SAMD5: variants seen among roughly 807,000 people sequenced by gnomAD.
SAMD5 encodes sterile alpha motif domain-containing protein 5.
In SAMD5, 13 loss-of-function variants were observed where a neutral mutation model predicts 11.3. The observed-to-expected ratio is 1.15, with a 90% CI of 0.75 to 1.83. The LOEUF is 1.83. SAMD5 is among the 40% of genes most tolerant of loss of function. SAMD5 has a pLI of 0.00. For synonymous variants in SAMD5, 129 were observed against 111.3 expected (o/e 1.16, Z -1.00); for missense variants, 255 against 239.1 (o/e 1.07, Z -0.44).
intron 1 of SAMD5, among the ~76,000 whole-genome samples, chr6:147,578,266 T>C (rs1019518470): frequency 4.6e-5 from 7 of 152,212 alleles, no homozygotes; most frequent in Non-Finnish European, 8.8e-5. Context: ...TATTTAGTTG[T>C]GTTGTTAGTA....
At chr6:147,774,451 G>A in the SAMD5 span, among the ~76,000 whole-genome samples, 2 of 152,008 alleles carry the variant, frequency 1.3e-5, no homozygotes, top group African/African-American at 2.4e-5. Flanking sequence ...TATATAAAAT[G>A]GCATGGTATT....
chr6:147,556,097 A>AT (rs547495261), intron 1 of SAMD5, among the ~76,000 whole-genome samples: 2,152 of 146,548 alleles, frequency 0.015, 32 homozygotes, highest in African/African-American at 0.037. Context: ...TGTTATTATT[A>AT]TTTTTTTTTT....
At chr6:147,905,362 A>C in the SAMD5 span, among the ~76,000 whole-genome samples, 1 of 151,652 alleles carries the variant, frequency 6.6e-6, no homozygotes. Context: ...TTGTATTTAT[A>C]GTAGAAACAG....
Position 147,670,847 on chromosome 6 carries a change from C to T in SAMD5, c.163-66470C>T, listed in dbSNP as rs1485667901. ...GGTTTTCTGTCATTCATGTGTTCAC[C>T]GTAGTAGCACTTTACATTTCCTTTA... is the stretch of plus-strand genomic sequence containing the variant. On this transcript the variant is annotated intron_variant, in intron 1 of 1. Transcript: ENST00000566741. Among the ~76,000 whole-genome samples the T allele has an allele frequency of 7.2e-5, 11 of 152,346 alleles. 1 individual carries two copies. Among genetic ancestry groups the T allele is most frequent in the East Asian group, 5.8e-4 (3 of 5,184 alleles).
chr6:147,671,253 C>T (rs1309168872), intron 1 of SAMD5, among the ~76,000 whole-genome samples: 1 of 152,098 alleles, frequency 6.6e-6, no homozygotes, highest in East Asian at 1.9e-4. Flanking sequence ...ATCACCATAG[C>T]AGGTATAATG....
chr6:147,781,907 G>A, the SAMD5 span, among the ~76,000 whole-genome samples: 4 of 151,448 alleles, frequency 2.6e-5, no homozygotes, highest in South Asian at 8.3e-4. Flanking sequence ...AGCCTCCCAG[G>A]ATATCAAAAA....
At chr6:147,846,544 T>C in the SAMD5 span, among the ~76,000 whole-genome samples, 1 of 152,102 alleles carries the variant, frequency 6.6e-6, no homozygotes. Context: ...AGTAAAGAGC[T>C]TTTTAGGCCA....
At chr6:147,880,506 C>T in the SAMD5 span, among the ~76,000 whole-genome samples, 4 of 152,132 alleles carry the variant, frequency 2.6e-5, no homozygotes, top group Admixed American at 1.3e-4. Context: ...CTGCGCCTTC[C>T]CTGAGCATTT....
At chr6:147,550,888 T>G (rs1387733727) in intron 1 of SAMD5, among the ~76,000 whole-genome samples, 1 of 119,168 alleles carries the variant, frequency 8.4e-6, no homozygotes, top group Non-Finnish European at 1.8e-5. Flanking sequence ...ACTGCACTTA[T>G]ACCTCTTATA....
chr6:147,824,559 C>T, the SAMD5 span, among the ~76,000 whole-genome samples: 5 of 151,932 alleles, frequency 3.3e-5, no homozygotes, highest in Non-Finnish European at 7.4e-5. Flanking sequence ...TGTTTGATTG[C>T]GGATCATTAA....
chr6:147,931,002 C>T, the SAMD5 span, among the ~76,000 whole-genome samples: 1 of 152,182 alleles, frequency 6.6e-6, no homozygotes, highest in Non-Finnish European at 1.5e-5. Context: ...GCCCTCTAGG[C>T]ATCCTCAATC....
chr6:147,629,559 A>G (rs999794693), intron 1 of SAMD5, among the ~76,000 whole-genome samples: 1 of 152,220 alleles, frequency 6.6e-6, no homozygotes, highest in African/African-American at 2.4e-5. Flanking sequence ...TTTTAAAGGG[A>G]AAACTAGTGG....
At chr6:147,699,362 A>T (rs1471449776) in intron 1 of SAMD5, among the ~76,000 whole-genome samples, 1 of 151,910 alleles carries the variant, frequency 6.6e-6, no homozygotes, top group East Asian at 1.9e-4. Flanking sequence ...CTTTCTATCT[A>T]AAAAGAACCC....
chr6:147,906,924 T>C, the SAMD5 span, among the ~76,000 whole-genome samples: 1 of 152,108 alleles, frequency 6.6e-6, no homozygotes, highest in African/African-American at 2.4e-5. Context: ...GGCTTTGTCC[T>C]GACAAATAGT....
At chr6:147,934,984 C>T in the SAMD5 span, among the ~76,000 whole-genome samples, 1 of 152,144 alleles carries the variant, frequency 6.6e-6, no homozygotes, top group Non-Finnish European at 1.5e-5. Flanking sequence ...TTTCAGACAA[C>T]TTGTGTCAGG....
chr6:147,731,500 A>G lies in SAMD5; in HGVS notation c.163-5817A>G, dbSNP rs565439422. 6.6e-5 allele frequency among the ~76,000 whole-genome samples: 10 copies of G among 152,250 alleles called. No individual in the cohort carries two copies. In the East Asian group the frequency reaches 9.7e-4, roughly 15 times the overall value. On this transcript the variant is annotated intron_variant, in intron 1 of 1. Transcript: ENST00000566741. ...TAGCTATGGAAAACAATGCACAGCC[A>G]TGAACTTTGAAAATCTATTTCCTTT... is the stretch of plus-strand genomic sequence containing the variant.
At chr6:147,928,988 T>C in the SAMD5 span, among the ~76,000 whole-genome samples, 1 of 151,890 alleles carries the variant, frequency 6.6e-6, no homozygotes, top group Non-Finnish European at 1.5e-5. Context: ...GTTTTTTTTT[T>C]AGTCTTGACT....
At chr6:147,856,696 G>A in the SAMD5 span, among the ~76,000 whole-genome samples, 1 of 152,052 alleles carries the variant, frequency 6.6e-6, no homozygotes, top group African/African-American at 2.4e-5. Context: ...AGGATCCAAA[G>A]CTGGCTTAAT....
the SAMD5 span, among the ~76,000 whole-genome samples, chr6:147,878,864 C>G: frequency 6.6e-6 from 1 of 151,996 alleles, no homozygotes; most frequent in South Asian, 2.1e-4. Context: ...ACGCCATTCT[C>G]CTGCCTCATC....
Sources: allele counts gnomAD v4.1 joint callset (sites outside exome capture counted in the v4.1 genomes callset), GRCh38; gene constraint gnomAD v4.1.1; transcripts MANE v1.5; gene names NCBI Gene and HGNC (gene_info 2026-07-23, HGNC 2026-07-21).